The following CREB3L2 variants were observed in gnomAD, a reference collection of about 807,000 sequenced individuals.
The protein encoded by CREB3L2 is cyclic AMP-responsive element-binding protein 3-like protein 2.
A neutral mutation model predicts 57.2 loss-of-function variants in CREB3L2; 23 were observed. The ratio of observed to expected loss-of-function variants is 0.40; its 90% CI spans 0.29 to 0.57. The LOEUF (loss-of-function observed/expected upper bound fraction) is 0.57. CREB3L2 is among the 20% of genes least tolerant of loss of function. CREB3L2 has a pLI of 0.42. For missense variants in CREB3L2, 628 were observed against 634.7 expected (o/e 0.99, Z 0.11); for synonymous variants, 268 against 265.1 (o/e 1.01, Z -0.11).
At chr7:137,886,950 A>C (rs546204552) in intron 8 of CREB3L2, among the ~76,000 whole-genome samples, 42 of 152,250 alleles carry the variant, frequency 2.8e-4, no homozygotes, top group African/African-American at 9.6e-4. Flanking sequence ...GTTCCCTGTG[A>C]GTGGTGTAAA....
At chr7:138,000,496 G>A (rs1802055840) in intron 1 of CREB3L2, among the ~76,000 whole-genome samples, 1 of 152,036 alleles carries the variant, frequency 6.6e-6, no homozygotes, top group African/African-American at 2.4e-5. Context: ...CAAATACTTC[G>A]GTGGGAATCA....
intron 1 of CREB3L2, among the ~76,000 whole-genome samples, chr7:137,946,321 G>A (rs1800973919): frequency 6.6e-6 from 1 of 151,514 alleles, no homozygotes; most frequent in Non-Finnish European, 1.5e-5. Flanking sequence ...TCCTGAGCGG[G>A]TCTGATCTAA....
At chr7:137,962,906 A>G (rs1366152387) in intron 1 of CREB3L2, among the ~76,000 whole-genome samples, 5 of 152,164 alleles carry the variant, frequency 3.3e-5, no homozygotes, top group Non-Finnish European at 7.3e-5. Context: ...CCCCCAGCAC[A>G]CACAAACCTC....
chr7:137,908,265 A>G lies in CREB3L2; in HGVS notation c.755T>C (p.Leu252Pro). 7.9e-7 allele frequency: 1 copy of G among 1,258,616 alleles called. No homozygotes were observed. The highest frequency in any genetic ancestry group is 1.0e-6 in the Non-Finnish European group (1 of 992,834). The allele number at this position is 1,258,616 out of a possible 1,614,324, so 78.0% of individuals were successfully genotyped here. The change falls in exon 5 of 12, where the codon CTC (leucine) becomes CCC (proline). Residue 252 changes from leucine (L) to proline (P), a missense_variant. Leu to Pro is a moderately conservative substitution (Grantham distance 98). Coordinates refer to ENST00000330387, the MANE Select transcript of CREB3L2 (RefSeq NM_194071.4). Reference sequence around the variant, plus strand: ...CTGCATACTTACATGAGGAGCCGTGAGGAGAGGGGAGCTGGAGAGGGCGGA... The same window carrying G: ...CTGCATACTTACATGAGGAGCCGTGGGGAGAGGGGAGCTGGAGAGGGCGGA... Reference protein sequence around the residue: ...APSALSSSPLLTAPHKLQGSG... With the variant: ...APSALSSSPLPTAPHKLQGSG...
chr7:137,970,878 G>C (rs1327044924), intron 1 of CREB3L2, among the ~76,000 whole-genome samples: 1 of 152,162 alleles, frequency 6.6e-6, no homozygotes, highest in Admixed American at 6.5e-5. Flanking sequence ...TTCTCCTCCA[G>C]CTATTTCTCC....
At chr7:137,915,005 G>T (rs577819611) in intron 3 of CREB3L2, among the ~76,000 whole-genome samples, 1 of 152,226 alleles carries the variant, frequency 6.6e-6, no homozygotes, top group East Asian at 1.9e-4. Flanking sequence ...GGGATTATAG[G>T]CATGAGCCAC....
intron 1 of CREB3L2, among the ~76,000 whole-genome samples, chr7:137,937,760 A>G (rs1800815019): frequency 6.6e-6 from 1 of 151,462 alleles, no homozygotes; most frequent in South Asian, 2.1e-4. Context: ...TTCTGAAGTG[A>G]TATTTGCTTT....
intron 2 of CREB3L2, among the ~76,000 whole-genome samples, chr7:137,917,571 T>C (rs1239086162): frequency 1.3e-5 from 2 of 152,192 alleles, no homozygotes; most frequent in African/African-American, 2.4e-5. Flanking sequence ...CATTCAAGAA[T>C]GTGACTCCAG....
At chr7:137,960,825 T>TTTTTC (rs1801307381) in intron 1 of CREB3L2, among the ~76,000 whole-genome samples, 1 of 143,818 alleles carries the variant, frequency 7.0e-6, no homozygotes, top group African/African-American at 2.6e-5. Context: ...TTTTTTTTTT[T>TTTTTC]TTTTTGAGAC....
At chr7:137,885,869 A>T (rs1002257916) in intron 8 of CREB3L2, among the ~76,000 whole-genome samples, 4 of 152,158 alleles carry the variant, frequency 2.6e-5, no homozygotes, top group African/African-American at 9.7e-5. Context: ...GTCTCTCCTA[A>T]ATTCCTATGC....
intron 6 of CREB3L2, 150 bp downstream of exon 6, chr7:137,905,552 G>T: frequency 1.3e-6 from 1 of 797,882 alleles, no homozygotes; most frequent in Non-Finnish European, 2.1e-6. Context: ...TGGTGAGGGT[G>T]CTCCTCCCAG....
chr7:137,897,541 T>A (rs1367739311), intron 8 of CREB3L2, among the ~76,000 whole-genome samples: 2 of 152,164 alleles, frequency 1.3e-5, no homozygotes, highest in Non-Finnish European at 1.5e-5. Flanking sequence ...AGATAATTTG[T>A]GTATTTTTAG....
At chr7:137,956,876 C>T (rs968620112) in intron 1 of CREB3L2, among the ~76,000 whole-genome samples, 1 of 152,172 alleles carries the variant, frequency 6.6e-6, no homozygotes, top group Admixed American at 6.6e-5. Flanking sequence ...TTGTCACTTA[C>T]AGGAAAGTAG....
At chr7:137,901,500 G>A in intron 7 of CREB3L2, 78 bp from the exon 8 acceptor site, 1 of 888,948 alleles carries the variant, frequency 1.1e-6, no homozygotes, top group East Asian at 2.5e-5. Flanking sequence ...GAGGTAGGTG[G>A]GGATGAGGAA....
chr7:137,906,995 G>A (rs970728585), intron 5 of CREB3L2, among the ~76,000 whole-genome samples: 2 of 152,168 alleles, frequency 1.3e-5, no homozygotes, highest in Non-Finnish European at 2.9e-5. Context: ...TTAGCTAAAG[G>A]TGTACTAAAA....
At chr7:137,933,587 T>C (rs972662028) in intron 1 of CREB3L2, among the ~76,000 whole-genome samples, 1 of 152,212 alleles carries the variant, frequency 6.6e-6, no homozygotes, top group Non-Finnish European at 1.5e-5. Flanking sequence ...ATAGACAGTT[T>C]TGAAGCATTC....
rs535136545 is a variant in CREB3L2 at position 137,980,253 on chromosome 7, G to A, written c.102+21351C>T. ...GAGCTTTTAAAATGCCTGATGCCCA[G>A]GCCTCATCCCAGAACCAATTAAATC... On this transcript the variant is annotated intron_variant, in intron 1 of 11. Transcript: ENST00000330387. This position sits in a 1 kb window ranked among gnomAD's most constrained non-coding sequence, Gnocchi z 4.3. 1.3e-5 allele frequency among the ~76,000 whole-genome samples: 2 copies of A among 152,306 alleles called. No homozygotes were observed. Among genetic ancestry groups the A allele is most frequent in the African/African-American group, 2.4e-5 (1 of 41,564 alleles).
At chr7:137,886,230 A>G (rs1228528500) in intron 8 of CREB3L2, among the ~76,000 whole-genome samples, 3 of 152,268 alleles carry the variant, frequency 2.0e-5, no homozygotes, top group Non-Finnish European at 4.4e-5. Context: ...TCATTTAAGC[A>G]AGAGATGAGA....
chr7:137,939,261 G>A lies in CREB3L2; in HGVS notation c.103-10895C>T, dbSNP rs552953355. 8.5e-5 allele frequency among the ~76,000 whole-genome samples: 13 copies of A among 152,234 alleles called. No individual in the cohort carries two copies. The South Asian group carries it at 2.1e-3, about 24-fold the overall frequency. On this transcript the variant is annotated intron_variant, in intron 1 of 11. Coordinates refer to ENST00000330387, the MANE Select transcript of CREB3L2 (RefSeq NM_194071.4). ...TGACTGTATCTGATCCTCACAAGAC[G>A]GAGAATTATCCCGAGGGTAGAGACA...
Sources: gnomAD v4.1 joint callset for allele counts (sites outside exome capture counted in the v4.1 genomes callset) on GRCh38, gnomAD v4.1.1 for gene constraint, Gnocchi (gnomAD v3.1) non-coding constraint, MANE v1.5 for transcripts, NCBI Gene and HGNC (gene_info 2026-07-23, HGNC 2026-07-21) for gene names.